Variants in CTNNA3 observed in about 807,000 individuals in gnomAD.
CTNNA3 encodes the protein catenin alpha 3, also known as catenin alpha-3.
In CTNNA3, 76 loss-of-function variants were observed where a neutral mutation model predicts 95.7. That is an observed-to-expected ratio of 0.79 (90% confidence interval 0.66 to 0.96). The LOEUF is 0.96. CTNNA3 is among the 40% of genes least tolerant of loss of function. The pLI is 0.00. For synonymous variants in CTNNA3, 431 were observed against 374.4 expected (o/e 1.15, Z -1.74); for missense variants, 1,191 against 1,089.8 (o/e 1.09, Z -1.31).
At chr10:67,157,442 G>C (rs1276579511) in intron 7 of CTNNA3, among the ~76,000 whole-genome samples, 3 of 152,132 alleles carry the variant, frequency 2.0e-5, no homozygotes, top group Non-Finnish European at 4.4e-5. Context: ...ATGAGTGGAA[G>C]CTACAACCCC....
chr10:66,165,237 T>C (rs1009477470), intron 13 of CTNNA3, among the ~76,000 whole-genome samples: 3 of 151,992 alleles, frequency 2.0e-5, no homozygotes, highest in African/African-American at 4.8e-5. Context: ...AGCTAAAGAA[T>C]GGGGACCCTA....
At chr10:66,021,112 G>A (rs558195011) in intron 15 of CTNNA3, among the ~76,000 whole-genome samples, 153 of 152,128 alleles carry the variant, frequency 1.0e-3, no homozygotes, top group Non-Finnish European at 2.0e-3. Context: ...TTTTGTAAAC[G>A]TCTGTGATCT....
At position 66,268,831 on chromosome 10, in the gene CTNNA3, C is replaced by T. The variant is rs112887962; in HGVS notation, c.1884+11639G>A. On this transcript the variant is annotated intron_variant, in intron 13 of 17. Coordinates refer to ENST00000433211, the MANE Select transcript of CTNNA3 (RefSeq NM_013266.4). ...AACTTCCTATTCAATTATCTACTCTCTCTCCCATTTCTGCAGTGACATGGA... is the reference window on the plus strand; with the variant it reads ...AACTTCCTATTCAATTATCTACTCTTTCTCCCATTTCTGCAGTGACATGGA... Among the ~76,000 whole-genome samples the T allele has an allele frequency of 4.6e-3, 703 of 152,244 alleles. 4 individuals are homozygous for T. The highest frequency in any genetic ancestry group is 0.016 in the African/African-American group (680 of 41,552).
At chr10:67,101,910 C>A (rs12249046) in intron 7 of CTNNA3, among the ~76,000 whole-genome samples, 84,001 of 151,440 alleles carry the variant, frequency 0.55, 24,634 homozygotes, top group African/African-American at 0.76. Context: ...TGTTGTTATT[C>A]AACTGTATAA....
chr10:66,953,304 C>T (rs989168094), intron 7 of CTNNA3, among the ~76,000 whole-genome samples: 11 of 152,166 alleles, frequency 7.2e-5, no homozygotes, highest in African/African-American at 2.4e-4. Flanking sequence ...TTTGAATGTG[C>T]ACCCACCAAT....
chr10:67,707,154 T>C (rs1216595420), intron 1 of CTNNA3, among the ~76,000 whole-genome samples: 1 of 152,206 alleles, frequency 6.6e-6, no homozygotes, highest in Non-Finnish European at 1.5e-5. Flanking sequence ...GTAGCCATTC[T>C]CTACATAGCT....
At chr10:67,686,615 T>C (rs1044544438) in intron 1 of CTNNA3, among the ~76,000 whole-genome samples, 2 of 152,112 alleles carry the variant, frequency 1.3e-5, no homozygotes, top group African/African-American at 4.8e-5. Flanking sequence ...GTCCAGACAG[T>C]GAGATCCTTT....
intron 10 of CTNNA3, among the ~76,000 whole-genome samples, chr10:66,547,180 A>G (rs1842060063): frequency 1.3e-5 from 2 of 152,084 alleles, no homozygotes; most frequent in South Asian, 4.2e-4. Context: ...TCTAGCCAGG[A>G]GTCACAAATG....
intron 13 of CTNNA3, among the ~76,000 whole-genome samples, chr10:66,166,895 G>T (rs762068980): frequency 3.9e-5 from 6 of 152,170 alleles, no homozygotes; most frequent in Admixed American, 6.5e-5. Context: ...TCATGTAACA[G>T]TAAGGGACAT....
chr10:67,149,044 T>C (rs531899737), intron 7 of CTNNA3, among the ~76,000 whole-genome samples: 58 of 152,232 alleles, frequency 3.8e-4, no homozygotes, highest in African/African-American at 1.3e-3. Context: ...AACACTCAGG[T>C]AATGTGAAAG....
chr10:67,503,166 G>A (rs181679966), intron 5 of CTNNA3, among the ~76,000 whole-genome samples: 6 of 152,344 alleles, frequency 3.9e-5, no homozygotes, highest in East Asian at 1.9e-4. Context: ...TGTCTGGGCC[G>A]GAATGCACCG....
chr10:67,495,169 C>T (rs886147763), intron 5 of CTNNA3, among the ~76,000 whole-genome samples: 1 of 152,128 alleles, frequency 6.6e-6, no homozygotes, highest in South Asian at 2.1e-4. Context: ...TGTACCCACA[C>T]ACACCGCCAT....
chr10:66,315,339 G>T (rs2092086214), intron 12 of CTNNA3, among the ~76,000 whole-genome samples: 1 of 151,930 alleles, frequency 6.6e-6, no homozygotes, highest in Admixed American at 6.6e-5. Context: ...AGAGATGTAA[G>T]ACAGATTTTG....
intron 11 of CTNNA3, among the ~76,000 whole-genome samples, chr10:66,496,230 A>C (rs1840094229): frequency 6.6e-6 from 1 of 152,166 alleles, no homozygotes; most frequent in Non-Finnish European, 1.5e-5. Context: ...AAATCATTCT[A>C]ATACCAAAAT....
chr10:66,694,948 G>A (rs1175588634), intron 9 of CTNNA3, among the ~76,000 whole-genome samples: 1 of 152,018 alleles, frequency 6.6e-6, no homozygotes, highest in Non-Finnish European at 1.5e-5. Context: ...TGCCCAGATT[G>A]TTTCAGTATA....
intron 13 of CTNNA3, among the ~76,000 whole-genome samples, chr10:66,194,174 A>G (rs1188799482): frequency 2.6e-5 from 4 of 152,178 alleles, no homozygotes; most frequent in Admixed American, 2.6e-4. Context: ...ACTTTTTAAA[A>G]CAGCACAAAA....
At chr10:67,351,553 A>T (rs1387136564) in intron 5 of CTNNA3, among the ~76,000 whole-genome samples, 6 of 152,040 alleles carry the variant, frequency 3.9e-5, no homozygotes, top group Admixed American at 3.9e-4. Flanking sequence ...GGCATAAAAC[A>T]TGCCTATTAA....
intron 7 of CTNNA3, among the ~76,000 whole-genome samples, chr10:66,864,701 G>C (rs1485124963): frequency 1.3e-5 from 2 of 151,772 alleles, no homozygotes; most frequent in Non-Finnish European, 2.9e-5. Flanking sequence ...TTTCTATTTT[G>C]CAACATTGCA....
intron 12 of CTNNA3, among the ~76,000 whole-genome samples, chr10:66,369,369 G>A (rs2092736014): frequency 6.6e-6 from 1 of 152,080 alleles, no homozygotes; most frequent in Non-Finnish European, 1.5e-5. Flanking sequence ...CTGGTTAACT[G>A]GACACCTGAT....
Sources: gnomAD v4.1 joint callset for allele counts (sites outside exome capture counted in the v4.1 genomes callset) on GRCh38, gnomAD v4.1.1 for gene constraint, MANE v1.5 for transcripts, NCBI Gene and HGNC (gene_info 2026-07-23, HGNC 2026-07-21) for gene names.